ADGRL2: variants seen among roughly 807,000 people sequenced by gnomAD.
ADGRL2 encodes adhesion G protein-coupled receptor L2.
Under a neutral mutation model 157.4 loss-of-function variants are expected in ADGRL2, and 44 were observed. The observed-to-expected ratio is 0.28, with a 90% CI of 0.22 to 0.36. The LOEUF (loss-of-function observed/expected upper bound fraction) is 0.36. Among genes scored for constraint, ADGRL2 ranks in the 10% least tolerant of loss-of-function variants. The pLI is 1.00. For synonymous variants in ADGRL2, 585 were observed against 624.7 expected (o/e 0.94, Z 0.95); for missense variants, 1,510 against 1,768.9 (o/e 0.85, Z 2.63).
intron 2 of ADGRL2, among the ~76,000 whole-genome samples, chr1:81,886,128 A>G (rs1029157222): frequency 6.6e-6 from 1 of 152,194 alleles, no homozygotes; most frequent in South Asian, 2.1e-4. Flanking sequence ...ATTTCAGTGT[A>G]TCATTTTAGA....
At chr1:81,312,031 A>G (rs1256834292) in intron 1 of ADGRL2, among the ~76,000 whole-genome samples, 2 of 152,174 alleles carry the variant, frequency 1.3e-5, no homozygotes, top group Non-Finnish European at 2.9e-5. Flanking sequence ...ATCTTCAGAC[A>G]CTATAAATGA....
chr1:81,561,416 TTTTTG>T (rs148217925), intron 2 of ADGRL2, among the ~76,000 whole-genome samples: 13,196 of 150,494 alleles, frequency 0.088, 1,026 homozygotes, highest in East Asian at 0.31. Flanking sequence ...TTCTTTCAAT[TTTTTG>T]TTTTGTTTTG....
intron 1 of ADGRL2, among the ~76,000 whole-genome samples, chr1:81,803,825 G>C (rs2088697942): frequency 1.3e-5 from 2 of 152,090 alleles, no homozygotes; most frequent in South Asian, 4.1e-4. Flanking sequence ...CTTTCCAGAG[G>C]CATAGATTTA....
At chr1:81,516,575 T>G (rs145856427) in intron 2 of ADGRL2, among the ~76,000 whole-genome samples, 1 of 152,234 alleles carries the variant, frequency 6.6e-6, no homozygotes, top group Admixed American at 6.5e-5. Context: ...GACAAAATAA[T>G]ATTTAATTGT....
intron 2 of ADGRL2, among the ~76,000 whole-genome samples, chr1:81,852,566 A>G (rs989612058): frequency 2.0e-5 from 3 of 152,166 alleles, no homozygotes; most frequent in Non-Finnish European, 2.9e-5. Flanking sequence ...TCTTCAAAGT[A>G]TGATCATTAT....
At chr1:81,381,631 G>T (rs1570782521) in intron 1 of ADGRL2, among the ~76,000 whole-genome samples, 1 of 152,156 alleles carries the variant, frequency 6.6e-6, no homozygotes, top group African/African-American at 2.4e-5. Flanking sequence ...CATGAAGAGT[G>T]TCTGCAGAAA....
upstream of ADGRL2, among the ~76,000 whole-genome samples, chr1:81,695,428 G>C (rs1285546366): frequency 6.6e-6 from 1 of 152,006 alleles, no homozygotes; most frequent in African/African-American, 2.4e-5. Flanking sequence ...TGGGATCATT[G>C]ACTATATTTC....
intron 2 of ADGRL2, among the ~76,000 whole-genome samples, chr1:81,483,732 ACT>A (rs561499514): frequency 2.8e-4 from 43 of 152,242 alleles, no homozygotes; most frequent in African/African-American, 8.9e-4. Flanking sequence ...ATTGGATGTG[ACT>A]CTGTGTTTGA....
intron 2 of ADGRL2, chr1:81,505,037 T>A (rs74095566): frequency 2.6e-6 from 1 of 386,324 alleles, no homozygotes; most frequent in Non-Finnish European, 4.9e-6. Context: ...AGACACCGCA[T>A]GTGGCGTGGG....
rs1346196601 is a variant in ADGRL2, at chr1:81,993,045, TATATATAATATAC to T, written c.*1908_*1920del. The stretch of plus-strand genomic sequence containing the variant: ...GAATGAGATTTAAAAATTAAGTGCA[TATATATAATATAC>T]ATATATATATATATATATATATATA... On this transcript the variant is annotated 3_prime_UTR_variant, in exon 24 of 24. Coordinates refer to ENST00000686636, the MANE Select transcript of ADGRL2 (RefSeq NM_001366006.2). 1.6e-5 allele frequency among the ~76,000 whole-genome samples: 2 copies of T among 123,500 alleles called. No homozygotes were observed. The highest frequency in any genetic ancestry group is 6.3e-5 in the African/African-American group (2 of 31,976). The allele number at this position is 123,500 out of a possible 152,430, so 81.0% of individuals were successfully genotyped here.
chr1:81,340,162 T>G (rs1661965849), intron 1 of ADGRL2, among the ~76,000 whole-genome samples: 1 of 152,236 alleles, frequency 6.6e-6, no homozygotes, highest in Non-Finnish European at 1.5e-5. Flanking sequence ...GGAAGCTATG[T>G]GTTAACATTC....
chr1:81,421,656 G>A (rs1293842930), intron 1 of ADGRL2, among the ~76,000 whole-genome samples: 2 of 151,914 alleles, frequency 1.3e-5, no homozygotes, highest in African/African-American at 4.8e-5. Context: ...CACTATCATG[G>A]CAAGATACTG....
chr1:81,965,523 T>C (rs566670246), intron 11 of ADGRL2, among the ~76,000 whole-genome samples: 46 of 152,252 alleles, frequency 3.0e-4, no homozygotes, highest in African/African-American at 1.1e-3. Context: ...AAAAAAAAAG[T>C]ATTACTGCAA....
At chr1:81,664,690 A>T (rs555019146) in intron 3 of ADGRL2, among the ~76,000 whole-genome samples, 1 of 152,298 alleles carries the variant, frequency 6.6e-6, no homozygotes, top group Admixed American at 6.5e-5. Context: ...AAGATAATTG[A>T]GACAATTTAA....
chr1:81,490,783 A>G (rs2078615144), intron 2 of ADGRL2, among the ~76,000 whole-genome samples: 1 of 152,208 alleles, frequency 6.6e-6, no homozygotes. Context: ...TTTTAGTCCT[A>G]AGCATATCCT....
At chr1:81,931,013 G>A (rs1241155008) in intron 3 of ADGRL2, among the ~76,000 whole-genome samples, 1 of 152,130 alleles carries the variant, frequency 6.6e-6, no homozygotes, top group East Asian at 1.9e-4. Flanking sequence ...GCCAGGCGGC[G>A]TGGCACATTC....
chr1:81,467,889 T>G (rs2078093134), intron 2 of ADGRL2, among the ~76,000 whole-genome samples: 1 of 152,070 alleles, frequency 6.6e-6, no homozygotes, highest in Non-Finnish European at 1.5e-5. Context: ...TAAATTAATC[T>G]TTTCAAATTA....
rs1486979921 is a variant in ADGRL2, at chr1:81,968,085, G to A, written c.2409G>A (p.Met803Ile). 6.2e-7 allele frequency: 1 copy of A among 1,613,854 alleles called. No individual in the cohort carries two copies. Among genetic ancestry groups the A allele is most frequent in the Non-Finnish European group, 8.5e-7 (1 of 1,179,780 alleles). The change falls in exon 14 of 24, where the codon ATG becomes ATA. Residue 803 changes from methionine to isoleucine, a missense_variant. Around this residue, in one of 4 missense-constraint regions of ADGRL2, gnomAD observed 497 missense variants for 627.2 expected, o/e 0.79. Transcript: ENST00000686636. Reference sequence around the variant, plus strand: ...GGAACTACTCAGAGAGAACTATGATGGGATATTGGTCTACCCAGGGCTGCA... The same window carrying A: ...GGAACTACTCAGAGAGAACTATGATAGGATATTGGTCTACCCAGGGCTGCA... ...SFWNYSERTM[M>I]GYWSTQGCKL...
At chr1:81,963,718 T>G (rs978986668) in intron 11 of ADGRL2, among the ~76,000 whole-genome samples, 1 of 151,590 alleles carries the variant, frequency 6.6e-6, no homozygotes, top group Non-Finnish European at 1.5e-5. Context: ...TTTTTTAACT[T>G]AATTTACTAA....
Sources: gnomAD v4.1 joint callset for allele counts (sites outside exome capture counted in the v4.1 genomes callset) on GRCh38, gnomAD v4.1.1 for gene constraint, gnomAD v4.1.1 regional missense constraint, MANE v1.5 for transcripts, NCBI Gene and HGNC (gene_info 2026-07-23, HGNC 2026-07-21) for gene names.